The following FAM168A variants were observed in gnomAD, a reference collection of about 807,000 sequenced individuals.
The protein encoded by FAM168A is family with sequence similarity 168 member A.
A neutral mutation model predicts 28.5 loss-of-function variants in FAM168A; 3 were observed. That is an observed-to-expected ratio of 0.11 (90% CI 0.05 to 0.27). FAM168A has a LOEUF of 0.27. Among genes scored for constraint, FAM168A ranks in the 10% least tolerant of loss-of-function variants. The pLI is 1.00. For missense variants in FAM168A, 222 were observed against 311.5 expected, an observed-to-expected ratio of 0.71 and a Z score of 2.16; for synonymous variants, 122 against 124.2, an observed-to-expected ratio of 0.98 and a Z score of 0.12.
chr11:73,544,976 TA>T (rs60967756), intron 1 of FAM168A, among the ~76,000 whole-genome samples: 1 of 87,444 alleles, frequency 1.1e-5, no homozygotes, highest in African/African-American at 7.2e-5. Context: ...ATATATTATA[TA>T]ATATATTTTA....
At chr11:73,407,113 G>A (rs1423923689) in intron 7 of FAM168A, among the ~76,000 whole-genome samples, 5 of 152,192 alleles carry the variant, frequency 3.3e-5, no homozygotes, top group African/African-American at 7.2e-5. Context: ...AAAGAAGTCC[G>A]AAGACCATAA....
chr11:73,422,829 T>C (rs938299738), intron 3 of FAM168A, among the ~76,000 whole-genome samples: 1 of 152,240 alleles, frequency 6.6e-6, no homozygotes, highest in Admixed American at 6.5e-5. Context: ...TGAAGGGCCA[T>C]GGGCCCAGTC....
chr11:73,416,203 C>T (rs1450733727), intron 4 of FAM168A, among the ~76,000 whole-genome samples: 1 of 152,166 alleles, frequency 6.6e-6, no homozygotes, highest in East Asian at 1.9e-4. Flanking sequence ...TCTTAGGTTC[C>T]TAACCATAAT....
chr11:73,487,700 T>G (rs1868071383), intron 1 of FAM168A, among the ~76,000 whole-genome samples: 1 of 152,202 alleles, frequency 6.6e-6, no homozygotes, highest in South Asian at 2.1e-4. Context: ...TCCTTGACCG[T>G]GTTATTACTA....
intron 1 of FAM168A, among the ~76,000 whole-genome samples, chr11:73,508,144 A>C (rs1408777018): frequency 1.3e-5 from 2 of 152,206 alleles, no homozygotes; most frequent in Non-Finnish European, 2.9e-5. Flanking sequence ...TAGTAAAGCC[A>C]TTTAGCACAA....
intron 2 of FAM168A, among the ~76,000 whole-genome samples, chr11:73,464,328 T>A (rs946440980): frequency 9.4e-6 from 1 of 106,502 alleles, no homozygotes. Flanking sequence ...AATCTGGGGG[T>A]GGGGGGGAAA....
chr11:73,556,056 A>G (rs1943885687), intron 1 of FAM168A, among the ~76,000 whole-genome samples: 1 of 152,238 alleles, frequency 6.6e-6, no homozygotes, highest in African/African-American at 2.4e-5. Flanking sequence ...CAACAAAAAA[A>G]GCAATGGGGC....
At chr11:73,492,598 A>G (rs1233765663) in intron 1 of FAM168A, among the ~76,000 whole-genome samples, 2 of 152,188 alleles carry the variant, frequency 1.3e-5, no homozygotes, top group Non-Finnish European at 2.9e-5. Context: ...CCGAGATCGC[A>G]CCTCTGCACT....
chr11:73,424,500 C>T (rs180800594), intron 3 of FAM168A, among the ~76,000 whole-genome samples: 2 of 152,080 alleles, frequency 1.3e-5, no homozygotes, highest in Non-Finnish European at 2.9e-5. Context: ...CGCTGCCCCC[C>T]CCACCTCTCA....
rs144949543 is a variant in FAM168A, at chr11:73,468,406, C to A, written c.69G>T (p.Thr23=). ...GAGAGCCATTCTCACACTACTCACC[C>A]GTGTAGGCCATGTTCTTAGGGTTGC... The part of the protein sequence containing the change: ...PYGNPKNMAY[T]GYPTAYPAAA... The change falls in exon 2 of 8, where the codon ACG becomes ACT. Residue 23 remains threonine, a splice_region_variant and synonymous_variant. Transcript: ENST00000356467. 1.3e-4 allele frequency: 202 copies of A among 1,613,952 alleles called. 2 individuals are homozygous for A. In the East Asian group the frequency reaches 4.4e-3, roughly 35 times the overall value.
intron 3 of FAM168A, among the ~76,000 whole-genome samples, chr11:73,425,833 G>C (rs184126383): frequency 6.6e-6 from 1 of 152,190 alleles, no homozygotes; most frequent in Admixed American, 6.5e-5. Context: ...GGATCCCCCC[G>C]CCTTGCCCTC....
intron 1 of FAM168A, among the ~76,000 whole-genome samples, chr11:73,479,463 C>T (rs549855150): frequency 1.3e-5 from 2 of 152,254 alleles, no homozygotes; most frequent in Admixed American, 6.5e-5. Context: ...TGTGAAATTA[C>T]ACCGTGAGAG....
intron 1 of FAM168A, among the ~76,000 whole-genome samples, chr11:73,526,961 CTAAG>C (rs978382949): frequency 6.7e-6 from 1 of 148,822 alleles, no homozygotes; most frequent in Non-Finnish European, 1.5e-5. Context: ...CTTGAAAAGA[CTAAG>C]TAGATCACAG....
intron 2 of FAM168A, among the ~76,000 whole-genome samples, chr11:73,442,288 G>A (rs1396442101): frequency 6.6e-6 from 1 of 151,912 alleles, no homozygotes; most frequent in Non-Finnish European, 1.5e-5. Flanking sequence ...ACCACGCACG[G>A]CTAATTTTTT....
At chr11:73,565,486 T>C (rs570269294) in intron 1 of FAM168A, among the ~76,000 whole-genome samples, 3 of 152,288 alleles carry the variant, frequency 2.0e-5, no homozygotes, top group South Asian at 4.1e-4. Context: ...CACTTACTAA[T>C]TGTGTGACCC....
intron 1 of FAM168A, among the ~76,000 whole-genome samples, chr11:73,563,113 C>T (rs1181713646): frequency 6.6e-6 from 1 of 152,178 alleles, no homozygotes; most frequent in African/African-American, 2.4e-5. Context: ...CGAAAAATAG[C>T]TTTTCAAGCA....
intron 1 of FAM168A, among the ~76,000 whole-genome samples, chr11:73,589,628 T>TA (rs1201919266): frequency 2.0e-5 from 3 of 152,094 alleles, no homozygotes; most frequent in Non-Finnish European, 4.4e-5. Flanking sequence ...CACAATTATA[T>TA]AAAAACATTC....
intron 1 of FAM168A, among the ~76,000 whole-genome samples, chr11:73,536,631 G>A (rs899514885): frequency 6.6e-6 from 1 of 152,240 alleles, no homozygotes; most frequent in Non-Finnish European, 1.5e-5. Flanking sequence ...AGGTTGTGGT[G>A]AGCCAAGATC....
chr11:73,530,379 T>C (rs1017664592), intron 1 of FAM168A, among the ~76,000 whole-genome samples: 1 of 152,174 alleles, frequency 6.6e-6, no homozygotes, highest in African/African-American at 2.4e-5. Flanking sequence ...GGAAGGAGAA[T>C]ACAAAGCCAG....
Sources: gnomAD v4.1 joint callset for allele counts (sites outside exome capture counted in the v4.1 genomes callset) on GRCh38, gnomAD v4.1.1 for gene constraint, MANE v1.5 for transcripts, NCBI Gene and HGNC (gene_info 2026-07-23, HGNC 2026-07-21) for gene names.